FARS2: variants seen among roughly 807,000 people sequenced by gnomAD.
FARS2 encodes phenylalanine--tRNA ligase, mitochondrial.
FARS2 carries 40 observed loss-of-function variants against 46.4 expected under a neutral mutation model. The ratio of observed to expected loss-of-function variants is 0.86; its 90% CI spans 0.67 to 1.12. The LOEUF (loss-of-function observed/expected upper bound fraction) is 1.12. Among genes scored for constraint, FARS2 ranks in the 50% most tolerant of loss-of-function variants. FARS2 has a pLI of 0.00. For missense variants in FARS2, 513 were observed against 567.9 expected (o/e 0.90, Z 0.98); for synonymous variants, 234 against 214.9 (o/e 1.09, Z -0.78).
intron 6 of FARS2, among the ~76,000 whole-genome samples, chr6:5,633,246 A>G (rs919756162): frequency 1.4e-4 from 20 of 138,672 alleles, no homozygotes; most frequent in Admixed American, 9.1e-4. Flanking sequence ...CTACAGGTAC[A>G]TGCCACCATC....
At chr6:5,521,783 T>C (rs1285898694) in intron 4 of FARS2, among the ~76,000 whole-genome samples, 1 of 152,168 alleles carries the variant, frequency 6.6e-6, no homozygotes, top group Admixed American at 6.5e-5. Flanking sequence ...AGGATTTTCT[T>C]TTTTCATGTT....
intron 4 of FARS2, among the ~76,000 whole-genome samples, chr6:5,467,547 G>T (rs1278797215): frequency 6.6e-6 from 1 of 152,146 alleles, no homozygotes; most frequent in Admixed American, 6.5e-5. Flanking sequence ...TCCTCTTCCT[G>T]TGTCAACTCC....
At chr6:5,453,895 G>T (rs1764659971) in intron 4 of FARS2, among the ~76,000 whole-genome samples, 1 of 152,160 alleles carries the variant, frequency 6.6e-6, no homozygotes, top group South Asian at 2.1e-4. Context: ...CTGATTTACT[G>T]CTGTGCACCT....
At chr6:5,425,440 G>A (rs940963645) in intron 3 of FARS2, among the ~76,000 whole-genome samples, 2 of 152,130 alleles carry the variant, frequency 1.3e-5, no homozygotes, top group Non-Finnish European at 2.9e-5. Context: ...ATGGAATGAC[G>A]TCTACTTAAA....
At chr6:5,707,751 G>A (rs866206697) in intron 6 of FARS2, among the ~76,000 whole-genome samples, 30 of 152,294 alleles carry the variant, frequency 2.0e-4, no homozygotes, top group Middle Eastern at 3.4e-3. Flanking sequence ...ACGTCCTTCC[G>A]TCCACGTGTC....
intron 6 of FARS2, among the ~76,000 whole-genome samples, chr6:5,623,677 A>C (rs2150701868): frequency 6.6e-6 from 1 of 151,294 alleles, no homozygotes; most frequent in East Asian, 1.9e-4. Context: ...ATGCCACTAC[A>C]CTCCAGCCTG....
chr6:5,593,299 C>CA (rs1305693038), intron 5 of FARS2, among the ~76,000 whole-genome samples: 1 of 146,658 alleles, frequency 6.8e-6, no homozygotes, highest in African/African-American at 2.8e-5. Flanking sequence ...ACCTCCCGCC[C>CA]CCACCGGCCT....
At chr6:5,263,589 C>A (rs544183839) in intron 1 of FARS2, among the ~76,000 whole-genome samples, 1 of 152,338 alleles carries the variant, frequency 6.6e-6, no homozygotes, top group East Asian at 1.9e-4. Flanking sequence ...GGACCTTACA[C>A]ATACGTCCTT....
intron 1 of FARS2, among the ~76,000 whole-genome samples, chr6:5,361,518 C>G (rs556301207): frequency 3.9e-5 from 6 of 152,320 alleles, no homozygotes; most frequent in Admixed American, 2.6e-4. Context: ...CAATGACACC[C>G]TCACGAGTAA....
chr6:5,481,427 G>A (rs938975616), intron 4 of FARS2, among the ~76,000 whole-genome samples: 4 of 152,144 alleles, frequency 2.6e-5, no homozygotes, highest in Admixed American at 6.5e-5. Context: ...TTGGACACAG[G>A]GCAAGTTGTA....
intron 4 of FARS2, among the ~76,000 whole-genome samples, chr6:5,508,135 C>T (rs932543457): frequency 3.9e-5 from 6 of 152,160 alleles, no homozygotes; most frequent in Admixed American, 1.3e-4. Context: ...GAGTTATTAA[C>T]TCTTTGAAGA....
At chr6:5,310,325 AG>A (rs1257822149) in intron 1 of FARS2, among the ~76,000 whole-genome samples, 1 of 152,084 alleles carries the variant, frequency 6.6e-6, no homozygotes, top group Non-Finnish European at 1.5e-5. Flanking sequence ...GGAGTGGTGA[AG>A]GCCTTTCTAA....
At chr6:5,767,160 A>G (rs1762795985) in intron 6 of FARS2, among the ~76,000 whole-genome samples, 1 of 151,974 alleles carries the variant, frequency 6.6e-6, no homozygotes, top group Non-Finnish European at 1.5e-5. Flanking sequence ...GATTCAAGCC[A>G]TTCTTGTGCC....
chr6:5,689,582 G>C (rs1328297571), intron 6 of FARS2, among the ~76,000 whole-genome samples: 1 of 152,104 alleles, frequency 6.6e-6, no homozygotes, highest in Non-Finnish European at 1.5e-5. Context: ...TATAATTTCT[G>C]TTCTTTTACA....
At chr6:5,447,987 G>A (rs938469357) in intron 4 of FARS2, among the ~76,000 whole-genome samples, 8 of 152,240 alleles carry the variant, frequency 5.3e-5, no homozygotes, top group Non-Finnish European at 7.3e-5. Flanking sequence ...ATAGGCCTTT[G>A]CCAGCACAAT....
chr6:5,555,421 C>T (rs900252709), intron 5 of FARS2, among the ~76,000 whole-genome samples: 11 of 152,098 alleles, frequency 7.2e-5, no homozygotes, highest in Non-Finnish European at 1.3e-4. Flanking sequence ...TTTTCTTCTT[C>T]GTTTCTTTAA....
intron 1 of FARS2, among the ~76,000 whole-genome samples, chr6:5,320,115 ACT>A (rs1454192563): frequency 3.3e-5 from 5 of 152,128 alleles, no homozygotes; most frequent in Non-Finnish European, 7.4e-5. Context: ...GTCCATCGTG[ACT>A]CTAAAAAGGA....
chr6:5,262,666 C>A (rs747050688), intron 1 of FARS2, among the ~76,000 whole-genome samples: 1 of 152,180 alleles, frequency 6.6e-6, no homozygotes, highest in Non-Finnish European at 1.5e-5. Context: ...TCCTTGCATC[C>A]AGATATTCTT....
At position 5,401,874 on chromosome 6, in the gene FARS2, G is replaced by A. The variant is rs182937926; in HGVS notation, c.613-2668G>A. Among the ~76,000 whole-genome samples, 331 of 152,200 alleles carry A rather than the reference G, an allele frequency of 2.2e-3. 1 individual carries two copies. Among genetic ancestry groups the A allele is most frequent in the African/African-American group, 7.5e-3 (313 of 41,550 alleles). Reference sequence around the variant, plus strand: ...CTACATTAGTTGATCTTTTTGCCTAGAGGCCTTGACGATTTTCCCCATTAT... The same window carrying A: ...CTACATTAGTTGATCTTTTTGCCTAAAGGCCTTGACGATTTTCCCCATTAT... On this transcript the variant is annotated intron_variant, in intron 2 of 6. Coordinates refer to ENST00000274680, the MANE Select transcript of FARS2 (RefSeq NM_006567.5).
Sources: gnomAD v4.1 joint callset for allele counts (sites outside exome capture counted in the v4.1 genomes callset) on GRCh38, gnomAD v4.1.1 for gene constraint, MANE v1.5 for transcripts, NCBI Gene and HGNC (gene_info 2026-07-23, HGNC 2026-07-21) for gene names.